KAZN: variants seen among roughly 807,000 people sequenced by gnomAD.
KAZN encodes kazrin, periplakin interacting protein.
Under a neutral mutation model 87.4 loss-of-function variants are expected in KAZN, and 40 were observed. That is an observed-to-expected ratio of 0.46 (90% confidence interval 0.36 to 0.60). The LOEUF is 0.60. Ranked by LOEUF, KAZN falls within the 20% of genes least tolerant of loss-of-function variation. KAZN has a pLI of 0.00. For synonymous variants in KAZN, 466 were observed against 458.3 expected (o/e 1.02, Z -0.22); for missense variants, 898 against 1,073.9 (o/e 0.84, Z 2.29).
intron 1 of KAZN, among the ~76,000 whole-genome samples, chr1:14,862,290 C>T (rs1378181960): frequency 2.6e-5 from 4 of 152,036 alleles, no homozygotes; most frequent in African/African-American, 9.7e-5. Flanking sequence ...TTTTGGTTGC[C>T]CGTCGGCAGA....
chr1:14,503,259 G>A (rs1040852386), intron 2 of KAZN, among the ~76,000 whole-genome samples: 19 of 151,450 alleles, frequency 1.3e-4, no homozygotes, highest in Non-Finnish European at 2.2e-4. Context: ...TAAGGCAGGC[G>A]GATCACAAGG....
At chr1:14,826,597 C>A (rs1646894562) in intron 1 of KAZN, among the ~76,000 whole-genome samples, 1 of 152,318 alleles carries the variant, frequency 6.6e-6, no homozygotes, top group East Asian at 1.9e-4. Flanking sequence ...CCCGCGCTGG[C>A]CGTTTCCCTC....
At chr1:14,682,865 C>A (rs1640754317) in intron 1 of KAZN, among the ~76,000 whole-genome samples, 1 of 152,166 alleles carries the variant, frequency 6.6e-6, no homozygotes, top group Non-Finnish European at 1.5e-5. Flanking sequence ...TGGACACATA[C>A]AGGATCAGCA....
intron 2 of KAZN, among the ~76,000 whole-genome samples, chr1:14,194,787 A>AG (rs955956984): frequency 1.3e-5 from 2 of 152,084 alleles, no homozygotes; most frequent in Non-Finnish European, 2.9e-5. Context: ...AAGGGAGGGG[A>AG]GGGGGACATG....
intron 2 of KAZN, among the ~76,000 whole-genome samples, chr1:14,250,673 G>A (rs1438012315): frequency 6.6e-6 from 1 of 151,750 alleles, no homozygotes; most frequent in Non-Finnish European, 1.5e-5. Context: ...TATTATTTGA[G>A]TAAAACATAA....
intron 1 of KAZN, among the ~76,000 whole-genome samples, chr1:14,953,182 C>T (rs576818387): frequency 3.3e-5 from 5 of 152,364 alleles, no homozygotes; most frequent in African/African-American, 1.2e-4. Flanking sequence ...CACCCTTCTC[C>T]AGGGGCTGTG....
chr1:14,827,015 C>T (rs780285141), intron 1 of KAZN, among the ~76,000 whole-genome samples: 6 of 152,262 alleles, frequency 3.9e-5, no homozygotes, highest in South Asian at 2.1e-4. Flanking sequence ...TTGGAGCTGC[C>T]GTGAGGGCGG....
At chr1:14,103,332 G>A (rs1466750702) in intron 1 of KAZN, among the ~76,000 whole-genome samples, 2 of 152,182 alleles carry the variant, frequency 1.3e-5, no homozygotes, top group African/African-American at 2.4e-5. Context: ...GCATGTTGAG[G>A]CACTGGGGGT....
chr1:14,260,789 T>C (rs968898193), intron 2 of KAZN, among the ~76,000 whole-genome samples: 4 of 152,160 alleles, frequency 2.6e-5, no homozygotes, highest in Admixed American at 6.5e-5. Flanking sequence ...CACACACTTG[T>C]CAGATGGGTA....
chr1:14,868,382 T>C (rs1436511565), intron 1 of KAZN, among the ~76,000 whole-genome samples: 4 of 152,198 alleles, frequency 2.6e-5, no homozygotes, highest in East Asian at 3.9e-4. Context: ...TTTCTAACAC[T>C]TTCCTGGGAT....
rs749791746 is a variant in KAZN, at chr1:15,104,050, G to A, written c.1909G>A (p.Gly637Ser). 11 of 1,613,580 alleles carry A rather than the reference G, an allele frequency of 6.8e-6. No homozygotes were observed. Among genetic ancestry groups the A allele is most frequent in the African/African-American group, 2.7e-5 (2 of 74,908 alleles). The change falls in exon 13 of 15, where the codon GGC (glycine) becomes AGC (serine). Residue 637 changes from glycine to serine, a missense_variant. Coordinates refer to ENST00000376030, the MANE Select transcript of KAZN (RefSeq NM_201628.3). ...GTACGCAGACAACCTGACCAACAGC[G>A]GCGTCCATGGTGCTGTGCTGGTGCT... ...KEYADNLTNS[G>S]VHGAVLVLEP... is the part of the protein sequence containing the mutation.
At chr1:14,547,344 T>A (rs1403862455) in intron 2 of KAZN, among the ~76,000 whole-genome samples, 4 of 152,224 alleles carry the variant, frequency 2.6e-5, no homozygotes, top group Admixed American at 6.5e-5. Context: ...ATGAAACAGT[T>A]CTATACAAGG....
intron 2 of KAZN, among the ~76,000 whole-genome samples, chr1:14,377,637 C>A (rs997997262): frequency 6.6e-6 from 1 of 152,144 alleles, no homozygotes; most frequent in Non-Finnish European, 1.5e-5. Flanking sequence ...TACTGGGCAA[C>A]AAAACTAAGG....
intron 1 of KAZN, among the ~76,000 whole-genome samples, chr1:14,650,195 TC>T (rs748784411): frequency 1.6e-4 from 25 of 152,134 alleles, no homozygotes; most frequent in Non-Finnish European, 3.4e-4. Context: ...TGGGCCATGC[TC>T]AGTCATATAA....
chr1:14,476,046 C>T (rs1199221886), intron 2 of KAZN, among the ~76,000 whole-genome samples: 3 of 152,194 alleles, frequency 2.0e-5, no homozygotes, highest in African/African-American at 4.8e-5. Flanking sequence ...AGCAGCCCAA[C>T]AGGCAGGTAA....
intron 1 of KAZN, among the ~76,000 whole-genome samples, chr1:13,958,820 G>T (rs1212242138): frequency 6.6e-6 from 1 of 152,138 alleles, no homozygotes; most frequent in African/African-American, 2.4e-5. Flanking sequence ...TGTGGCTGGA[G>T]CCAAGGCGGG....
intron 1 of KAZN, among the ~76,000 whole-genome samples, chr1:13,951,186 G>T (rs551132370): frequency 1.3e-5 from 2 of 152,172 alleles, no homozygotes; most frequent in African/African-American, 4.8e-5. Context: ...AGTGTTGGGG[G>T]TCAGCATGTT....
At position 13,996,188 on chromosome 1, in the gene KAZN, C is replaced by A. The variant is rs182797400; in HGVS notation, c.91+102432C>A. 2.6e-5 allele frequency among the ~76,000 whole-genome samples: 4 copies of A among 152,270 alleles called. No individual in the cohort carries two copies. In the East Asian group the frequency reaches 7.7e-4, roughly 29 times the overall value. Reference sequence around the variant, plus strand: ...CCAGCTGGGGAAACTGTGCTTTTTCCACAGAACTGTACAACTCACAGATCG... The same window carrying A: ...CCAGCTGGGGAAACTGTGCTTTTTCAACAGAACTGTACAACTCACAGATCG... On this transcript the variant is annotated intron_variant, in intron 1 of 16. Transcript: ENST00000636203.
intron 1 of KAZN, among the ~76,000 whole-genome samples, chr1:13,993,161 T>C (rs1639363591): frequency 1.3e-5 from 2 of 152,182 alleles, no homozygotes; most frequent in African/African-American, 2.4e-5. Flanking sequence ...CCCTCTCCCA[T>C]GGGCAGGAAA....
Sources: gnomAD v4.1 joint callset for allele counts (sites outside exome capture counted in the v4.1 genomes callset) on GRCh38, gnomAD v4.1.1 for gene constraint, MANE v1.5 for transcripts, NCBI Gene and HGNC (gene_info 2026-07-23, HGNC 2026-07-21) for gene names.